The following FAAH2 variants were observed in gnomAD, a reference collection of about 807,000 sequenced individuals.
FAAH2 encodes fatty-acid amide hydrolase 2.
Under a neutral mutation model 36.9 loss-of-function variants are expected in FAAH2, and 60 were observed. The observed-to-expected ratio is 1.63, with a 90% CI of 1.32 to 2.02. FAAH2 has a LOEUF of 2.02. Ranked by LOEUF, FAAH2 falls within the 30% of genes most tolerant of loss-of-function variation. The pLI, the probability that FAAH2 is intolerant of heterozygous loss-of-function variation, is 0.00. For synonymous variants in FAAH2, 214 were observed against 143.8 expected, an observed-to-expected ratio of 1.49 and a Z score of -3.49; for missense variants, 689 against 397.5, an observed-to-expected ratio of 1.73 and a Z score of -6.23.
At chrX:57,429,777 A>G (rs777371435) in intron 7 of FAAH2, among the ~76,000 whole-genome samples, 1 of 112,037 alleles carries the variant, frequency 8.9e-6, no homozygotes, top group Admixed American at 9.5e-5. Context: ...AGAATCAACT[A>G]AACTGTCAAT....
At chrX:57,323,643 G>A (rs1332092178) in intron 3 of FAAH2, among the ~76,000 whole-genome samples, 1 of 106,678 alleles carries the variant, frequency 9.4e-6, no homozygotes, top group Non-Finnish European at 1.9e-5. Flanking sequence ...CTTTTGAGAA[G>A]TGTCTGTTCA....
At chrX:57,323,684 T>G (rs1437149601) in intron 3 of FAAH2, among the ~76,000 whole-genome samples, 4 of 25,424 alleles carry the variant, frequency 1.6e-4, no homozygotes, top group Admixed American at 1.5e-3. Context: ...ATGGGGTTGT[T>G]TTTTTTTTTT....
the FAAH2 span, among the ~76,000 whole-genome samples, chrX:57,258,222 AT>A: frequency 9.0e-6 from 1 of 111,515 alleles, no homozygotes; most frequent in Non-Finnish European, 1.9e-5. Context: ...ATAAGTAGTG[AT>A]GGGAAATTGA....
chrX:57,414,389 A>G (rs760763827), intron 7 of FAAH2, among the ~76,000 whole-genome samples: 5 of 111,927 alleles, frequency 4.5e-5, no homozygotes, highest in Non-Finnish European at 5.6e-5. Context: ...AGATATGTTT[A>G]ATCAATATAT....
chrX:57,397,181 G>A (rs1396943765), intron 7 of FAAH2, among the ~76,000 whole-genome samples: 2 of 111,364 alleles, frequency 1.8e-5, no homozygotes, highest in South Asian at 7.6e-4. Context: ...GGGTGTCTTA[G>A]GCAACAGTTA....
At chrX:57,284,056 G>A (rs1025851264), upstream of FAAH2, among the ~76,000 whole-genome samples, 3 of 111,863 alleles carry the variant, frequency 2.7e-5, no homozygotes, top group African/African-American at 9.7e-5. Context: ...AGAGCCTGAT[G>A]AGAACATGAG....
chrX:57,152,916 C>CCG, the FAAH2 span, among the ~76,000 whole-genome samples: 1 of 110,329 alleles, frequency 9.1e-6, no homozygotes, highest in African/African-American at 3.4e-5. Context: ...TGGCTCCCCC[C>CCG]CCGCTGACCT....
rs761392847 is a variant in FAAH2, at chrX:57,431,801, T to A, written c.997-117T>A. ...TTTGTTTTTTTGTTTTTTTTGGTGT[T>A]TCCATGGGGCAATGAGGGCCTGGCG... On this transcript the variant is annotated intron_variant, in intron 7 of 10. Coordinates refer to ENST00000374900, the MANE Select transcript of FAAH2 (RefSeq NM_174912.4). 63 of 554,147 alleles carry A rather than the reference T, an allele frequency of 1.1e-4. 2 individuals carry two copies. The South Asian group carries it at 5.7e-3, about 50-fold the overall frequency. The allele number at this position is 554,147 out of a possible 1,213,427, so 45.7% of individuals were successfully genotyped here. A position where few individuals can be genotyped will look rare whatever the true frequency, so the allele number is the denominator to read the frequency against.
the FAAH2 span, among the ~76,000 whole-genome samples, chrX:57,224,956 T>C: frequency 6.2e-5 from 7 of 112,300 alleles, no homozygotes; most frequent in Admixed American, 1.9e-4. Flanking sequence ...CCCTGAATGA[T>C]CTTTTGTATT....
chrX:57,360,083 A>C (rs12689811), intron 5 of FAAH2, among the ~76,000 whole-genome samples: 2 of 108,204 alleles, frequency 1.8e-5, no homozygotes, highest in South Asian at 8.1e-4. Flanking sequence ...CTGCACAGTG[A>C]GTAGCTATTC....
intron 10 of FAAH2, among the ~76,000 whole-genome samples, chrX:57,468,125 G>C (rs189030597): frequency 2.6e-4 from 29 of 111,260 alleles, no homozygotes; most frequent in Admixed American, 2.5e-3. Context: ...ACAAAAACTA[G>C]ATAAAACCAC....
the FAAH2 span, among the ~76,000 whole-genome samples, chrX:57,261,887 C>A: frequency 1.8e-5 from 2 of 110,544 alleles, no homozygotes; most frequent in East Asian, 2.8e-4. Context: ...GGTGATGTTG[C>A]AAGAAAGAAA....
chrX:57,251,549 G>A, the FAAH2 span, among the ~76,000 whole-genome samples: 1 of 111,846 alleles, frequency 8.9e-6, no homozygotes, highest in Non-Finnish European at 1.9e-5. Context: ...TTGGAAACGA[G>A]TTAAAATGTC....
intron 8 of FAAH2, among the ~76,000 whole-genome samples, chrX:57,446,412 A>AT (rs1238929769): frequency 8.9e-6 from 1 of 112,145 alleles, no homozygotes; most frequent in African/African-American, 3.2e-5. Flanking sequence ...ACTTCCCTAT[A>AT]ACAGGTTTGT....
intron 7 of FAAH2, among the ~76,000 whole-genome samples, chrX:57,419,483 T>G (rs2055946640): frequency 8.9e-6 from 1 of 112,394 alleles, no homozygotes; most frequent in African/African-American, 3.2e-5. Flanking sequence ...GGTGAGCATT[T>G]TTTCGTGTGT....
rs191858068 is a variant in FAAH2, at chrX:57,458,448, G to A, written c.1423+9730G>A. On this transcript the variant is annotated intron_variant, in intron 10 of 10. Transcript: ENST00000374900. ...GCAGAGGTTGCAGTGAATCGAGATG[G>A]CACCACTGCACTCCAACCTGGGTGA... 1.1e-3 allele frequency among the ~76,000 whole-genome samples: 124 copies of A among 110,439 alleles called. No homozygotes were observed. In the South Asian group the frequency reaches 0.015, roughly 13 times the overall value.
intron 3 of FAAH2, among the ~76,000 whole-genome samples, chrX:57,317,701 A>G: frequency 8.9e-6 from 1 of 111,897 alleles, no homozygotes; most frequent in Non-Finnish European, 1.9e-5. Flanking sequence ...ACCCCAAATC[A>G]ACAGAATACA....
the FAAH2 span, among the ~76,000 whole-genome samples, chrX:57,196,011 T>A: frequency 8.9e-6 from 1 of 112,156 alleles, no homozygotes; most frequent in African/African-American, 3.2e-5. Context: ...AGCCTTATAG[T>A]ATAGTTTGAA....
intron 7 of FAAH2, among the ~76,000 whole-genome samples, chrX:57,385,079 A>G (rs1040400165): frequency 3.6e-5 from 4 of 110,225 alleles, no homozygotes; most frequent in African/African-American, 9.9e-5. Context: ...GAATTGTACA[A>G]TGAGAATACT....
Sources: allele counts gnomAD v4.1 joint callset (sites outside exome capture counted in the v4.1 genomes callset), GRCh38; gene constraint gnomAD v4.1.1; transcripts MANE v1.5; gene names NCBI Gene and HGNC (gene_info 2026-07-23, HGNC 2026-07-21).